Variants in FSTL5 observed in about 807,000 individuals in gnomAD.
The protein encoded by FSTL5 is follistatin-related protein 5.
FSTL5 carries 62 observed loss-of-function variants against 89.1 expected under a neutral mutation model. That is an observed-to-expected ratio of 0.70 (90% CI 0.57 to 0.86). FSTL5 has a LOEUF of 0.86. FSTL5 is among the 40% of genes least tolerant of loss of function. The pLI, the probability that FSTL5 is intolerant of heterozygous loss-of-function variation, is 0.00. For synonymous variants in FSTL5, 383 were observed against 346.2 expected (o/e 1.11, Z -1.18); for missense variants, 1,057 against 1,001.6 (o/e 1.06, Z -0.75).
chr4:161,400,291 T>C (rs1311117402), intron 15 of FSTL5, among the ~76,000 whole-genome samples: 1 of 152,054 alleles, frequency 6.6e-6, no homozygotes, highest in Non-Finnish European at 1.5e-5. Context: ...AAAAAATATA[T>C]AGATAGGTAC....
chr4:161,938,464 C>CA (rs1333434795), intron 3 of FSTL5, among the ~76,000 whole-genome samples: 1 of 151,908 alleles, frequency 6.6e-6, no homozygotes, highest in Admixed American at 6.6e-5. Context: ...GGATATCCAG[C>CA]AAAAATGATT....
At chr4:162,158,844 T>C (rs1236012595) in intron 1 of FSTL5, among the ~76,000 whole-genome samples, 1 of 152,128 alleles carries the variant, frequency 6.6e-6, no homozygotes, top group Admixed American at 6.6e-5. Flanking sequence ...CTTATTCCTT[T>C]TCCCAGATGA....
At chr4:161,749,346 G>A (rs1252752660) in intron 6 of FSTL5, among the ~76,000 whole-genome samples, 1 of 152,106 alleles carries the variant, frequency 6.6e-6, no homozygotes, top group Non-Finnish European at 1.5e-5. Context: ...ATACTATGCA[G>A]TATTTCATAA....
intron 9 of FSTL5, among the ~76,000 whole-genome samples, chr4:161,538,930 AT>A (rs1731726263): frequency 6.6e-6 from 1 of 151,508 alleles, no homozygotes; most frequent in African/African-American, 2.4e-5. Context: ...CCCCGGGCTA[AT>A]TTTTTGTATC....
intron 15 of FSTL5, chr4:161,387,682 TA>T (rs931933537): frequency 2.0e-5 from 3 of 151,936 alleles, no homozygotes; most frequent in Admixed American, 2.0e-4. Context: ...AAAAATAAAA[TA>T]TTCTCAAAAT....
At chr4:161,449,444 G>C (rs1370641736) in intron 15 of FSTL5, among the ~76,000 whole-genome samples, 1 of 152,128 alleles carries the variant, frequency 6.6e-6, no homozygotes, top group Non-Finnish European at 1.5e-5. Context: ...GTTTGGGTTG[G>C]GGGGGATAGT....
At chr4:161,408,100 G>T (rs1025571369) in intron 15 of FSTL5, among the ~76,000 whole-genome samples, 2 of 152,112 alleles carry the variant, frequency 1.3e-5, no homozygotes, top group Non-Finnish European at 2.9e-5. Context: ...CCATCCGCAG[G>T]GTTGTTTGGT....
intron 7 of FSTL5, among the ~76,000 whole-genome samples, chr4:161,621,703 C>A (rs939726533): frequency 6.6e-6 from 1 of 151,882 alleles, no homozygotes; most frequent in Non-Finnish European, 1.5e-5. Context: ...TCAGGCCAGG[C>A]GCAATGGCTC....
intron 6 of FSTL5, among the ~76,000 whole-genome samples, chr4:161,663,882 C>T (rs1736797416): frequency 1.3e-5 from 2 of 152,220 alleles, no homozygotes; most frequent in African/African-American, 4.8e-5. Flanking sequence ...GGCAGAGGTT[C>T]CCCAATCCCA....
At chr4:161,452,488 G>T (rs138017340) in intron 15 of FSTL5, among the ~76,000 whole-genome samples, 1 of 150,066 alleles carries the variant, frequency 6.7e-6, no homozygotes, top group Non-Finnish European at 1.5e-5. Flanking sequence ...AAAAAAAAAA[G>T]AAATATACTA....
chr4:161,735,939 A>C (rs1739795366), intron 6 of FSTL5, among the ~76,000 whole-genome samples: 1 of 152,112 alleles, frequency 6.6e-6, no homozygotes, highest in African/African-American at 2.4e-5. Flanking sequence ...TAAAAAAAAG[A>C]GAGAAAGAAA....
In FSTL5 at chr4:161,527,485, G is replaced by T. The variant is rs1024489423; in HGVS notation, c.1312+10681C>A. Among the ~76,000 whole-genome samples, 1,200 of 151,580 alleles carry T rather than the reference G, an allele frequency of 7.9e-3. 19 individuals are homozygous for T. Among genetic ancestry groups the T allele is most frequent in the African/African-American group, 0.028 (1,160 of 40,946 alleles). On this transcript the variant is annotated intron_variant, in intron 10 of 15. Transcript: ENST00000306100. ...CAACCCCTTCAAAAAGTGGGTGAAG[G>T]ACATGAACAGACACTTCTCAAAAGA...
chr4:161,565,742 GACACACACACACAC>G (rs145835055), intron 8 of FSTL5, among the ~76,000 whole-genome samples: 26 of 133,664 alleles, frequency 1.9e-4, no homozygotes, highest in African/African-American at 6.2e-4. Flanking sequence ...TATAACTTGA[GACACACACACACAC>G]ACACACACAC....
intron 8 of FSTL5, among the ~76,000 whole-genome samples, chr4:161,549,581 A>C (rs931388341): frequency 1.3e-5 from 2 of 151,936 alleles, no homozygotes; most frequent in African/African-American, 4.8e-5. Flanking sequence ...AATGGCCATG[A>C]GAGTATATGT....
intron 6 of FSTL5, among the ~76,000 whole-genome samples, chr4:161,677,951 T>C (rs1374834634): frequency 1.3e-5 from 2 of 151,692 alleles, no homozygotes; most frequent in Non-Finnish European, 2.9e-5. Flanking sequence ...CCACACACCA[T>C]AGATATATAT....
rs1325305726 is a variant in FSTL5, at chr4:161,838,981, T to A, written c.410-62907A>T. Among the ~76,000 whole-genome samples the A allele has an allele frequency of 3.3e-5, 5 of 151,762 alleles. No individual in the cohort carries two copies. In the East Asian group the frequency reaches 9.6e-4, roughly 29 times the overall value. The stretch of plus-strand genomic sequence containing the variant: ...TTAATATAAAACATAGGTCAAAAAA[T>A]AAAAGCAAAATGAGAAATCTTCAAA... On this transcript the variant is annotated intron_variant, in intron 4 of 15. Coordinates refer to ENST00000306100, the MANE Select transcript of FSTL5 (RefSeq NM_020116.5).
At chr4:161,702,861 T>G (rs1464560116) in intron 6 of FSTL5, among the ~76,000 whole-genome samples, 2 of 152,124 alleles carry the variant, frequency 1.3e-5, no homozygotes. Context: ...TGGATTGAAT[T>G]GTGTCCCCTA....
intron 4 of FSTL5, among the ~76,000 whole-genome samples, chr4:161,859,758 G>A (rs1012333402): frequency 1.3e-5 from 2 of 152,174 alleles, no homozygotes; most frequent in Non-Finnish European, 2.9e-5. Flanking sequence ...AGGTAGCAGA[G>A]GCTTGAATAC....
chr4:161,998,145 C>T (rs1736356301), intron 3 of FSTL5, among the ~76,000 whole-genome samples: 2 of 152,266 alleles, frequency 1.3e-5, no homozygotes, highest in South Asian at 2.1e-4. Flanking sequence ...ATCTATGCAT[C>T]TTAGTGACCA....
Sources: allele counts gnomAD v4.1 joint callset (sites outside exome capture counted in the v4.1 genomes callset), GRCh38; gene constraint gnomAD v4.1.1; transcripts MANE v1.5; gene names NCBI Gene and HGNC (gene_info 2026-07-23, HGNC 2026-07-21).